The following HS3ST3B1 variants were observed in gnomAD, a reference collection of about 807,000 sequenced individuals.
HS3ST3B1 encodes heparan sulfate-glucosamine 3-sulfotransferase 3B1, also known as heparan sulfate glucosamine 3-O-sulfotransferase 3B1.
A neutral mutation model predicts 21.3 loss-of-function variants in HS3ST3B1; 13 were observed. That is an observed-to-expected ratio of 0.61 (90% CI 0.40 to 0.97). The LOEUF (loss-of-function observed/expected upper bound fraction) is 0.97, where lower values mean the gene tolerates loss of function less well. HS3ST3B1 is among the 50% of genes least tolerant of loss of function. HS3ST3B1 has a pLI of 0.00. For missense variants in HS3ST3B1, 459 were observed against 554.8 expected (o/e 0.83, Z 1.73); for synonymous variants, 234 against 254.8 (o/e 0.92, Z 0.78).
intron 1 of HS3ST3B1, among the ~76,000 whole-genome samples, chr17:14,319,029 AGTT>A (rs938889805): frequency 6.6e-6 from 1 of 152,030 alleles, no homozygotes; most frequent in African/African-American, 2.4e-5. Context: ...GAGGGCTGTG[AGTT>A]GTTTGTGGTT....
intron 1 of HS3ST3B1, among the ~76,000 whole-genome samples, chr17:14,316,588 TGCTAGCACCGAGATGATTGCTCAACCTG>T: frequency 6.6e-6 from 1 of 152,178 alleles, no homozygotes; most frequent in South Asian, 2.1e-4. Context: ...GTATGTTTTA[TGCTAGCACCGAGATGATTGCTCAACCTG>T]GTTGTAATGT....
intron 1 of HS3ST3B1, among the ~76,000 whole-genome samples, chr17:14,307,864 A>G (rs1433282020): frequency 6.6e-6 from 1 of 152,208 alleles, no homozygotes; most frequent in East Asian, 1.9e-4. Flanking sequence ...CTCATTTAAC[A>G]GTCGATGATT....
At chr17:14,334,094 A>G (rs1415825527) in intron 1 of HS3ST3B1, among the ~76,000 whole-genome samples, 1 of 151,924 alleles carries the variant, frequency 6.6e-6, no homozygotes, top group African/African-American at 2.4e-5. Flanking sequence ...GATGGTGATC[A>G]GCTATGGAGG....
At chr17:14,311,194 G>C (rs1160212178) in intron 1 of HS3ST3B1, among the ~76,000 whole-genome samples, 7 of 145,966 alleles carry the variant, frequency 4.8e-5, no homozygotes, top group African/African-American at 1.8e-4. Context: ...TCAGTCTCCC[G>C]TGTAGCAGGG....
chr17:14,342,010 T>G (rs1910399804), intron 1 of HS3ST3B1, among the ~76,000 whole-genome samples: 1 of 152,234 alleles, frequency 6.6e-6, no homozygotes, highest in East Asian at 1.9e-4. Context: ...CCAGTGCTGC[T>G]GAGGCAGTCT....
At chr17:14,308,345 CA>C (rs1422645146) in intron 1 of HS3ST3B1, among the ~76,000 whole-genome samples, 1 of 152,118 alleles carries the variant, frequency 6.6e-6, no homozygotes, top group African/African-American at 2.4e-5. Flanking sequence ...TTTATTTGTA[CA>C]TAGATAAAAG....
intron 1 of HS3ST3B1, among the ~76,000 whole-genome samples, chr17:14,344,165 G>A (rs1910478998): frequency 6.6e-6 from 1 of 152,212 alleles, no homozygotes; most frequent in Non-Finnish European, 1.5e-5. Context: ...CTCCCAAAGT[G>A]CTGGGATTAA....
chr17:14,323,503 T>A (rs1419096752), intron 1 of HS3ST3B1, among the ~76,000 whole-genome samples: 7 of 152,148 alleles, frequency 4.6e-5, no homozygotes, highest in Non-Finnish European at 5.9e-5. Context: ...TGGGGTACAT[T>A]TCTTAGGACA....
At chr17:14,320,655 GA>G (rs1429958344) in intron 1 of HS3ST3B1, among the ~76,000 whole-genome samples, 39 of 152,076 alleles carry the variant, frequency 2.6e-4, no homozygotes, top group Non-Finnish European at 1.3e-4. Flanking sequence ...ATGCCACTCA[GA>G]AAAAAGGGCC....
At chr17:14,332,182 G>A (rs1255447575) in intron 1 of HS3ST3B1, among the ~76,000 whole-genome samples, 3 of 152,136 alleles carry the variant, frequency 2.0e-5, no homozygotes, top group Non-Finnish European at 4.4e-5. Flanking sequence ...GGATGTATAA[G>A]GTCATGTAGA....
At chr17:14,302,608 G>A (rs1475191535) in intron 1 of HS3ST3B1, among the ~76,000 whole-genome samples, 1 of 152,050 alleles carries the variant, frequency 6.6e-6, no homozygotes, top group Non-Finnish European at 1.5e-5. Flanking sequence ...CTGGTTACCG[G>A]AACCCCAAGG....
intron 1 of HS3ST3B1, chr17:14,304,062 A>G (rs1597584414): frequency 6.6e-6 from 1 of 152,132 alleles, no homozygotes. Flanking sequence ...TCGCGTGGAA[A>G]CCCTCGCCGC....
At chr17:14,302,177 A>C in intron 1 of HS3ST3B1, 105 bp downstream of exon 1, 1 of 1,351,670 alleles carries the variant, frequency 7.4e-7, no homozygotes, top group Non-Finnish European at 9.9e-7. Flanking sequence ...GCTTCGGACC[A>C]CCCGGGGTAG....
At chr17:14,305,308 A>G (rs9896731) in intron 1 of HS3ST3B1, 149,088 of 152,314 alleles carry the variant, frequency 0.98, 73,065 homozygotes, top group East Asian at 1. Flanking sequence ...GAACCTCACA[A>G]AGAGGCTCAT....
Position 14,345,591 on chromosome 17 carries a change from G to T in HS3ST3B1, c.1118G>T (p.Arg373Leu), listed in dbSNP as rs1910544848. ...EVVRRLREFY[R>L]PFNLKFYQMT... ...GTGCGCAGGCTGCGCGAGTTCTACC[G>T]GCCTTTCAACCTCAAGTTCTACCAG... The change falls in exon 2 of 2, where the codon CGG becomes CTG. Residue 373 changes from arginine to leucine, a missense_variant. This residue lies in a region of HS3ST3B1 where 127 missense variants were observed against 209.9 expected (regional missense o/e 0.60). Transcript: ENST00000360954. 6.2e-7 allele frequency: 1 copy of T among 1,605,554 alleles called. No individual in the cohort carries two copies.
chr17:14,333,552 T>A (rs1910089257), intron 1 of HS3ST3B1, among the ~76,000 whole-genome samples: 1 of 152,070 alleles, frequency 6.6e-6, no homozygotes, highest in South Asian at 2.1e-4. Flanking sequence ...GCCTCAGTTC[T>A]TAATACAGCA....
intron 1 of HS3ST3B1, among the ~76,000 whole-genome samples, chr17:14,311,643 T>C (rs534582262): frequency 7.6e-4 from 115 of 152,302 alleles, no homozygotes; most frequent in African/African-American, 2.6e-3. Context: ...CATTATAGTA[T>C]CATTCAGGGT....
chr17:14,332,866 T>C (rs1164768437), intron 1 of HS3ST3B1, among the ~76,000 whole-genome samples: 1 of 144,332 alleles, frequency 6.9e-6, no homozygotes, highest in East Asian at 2.1e-4. Flanking sequence ...ATGTCGTAGG[T>C]TAAGACGTGC....
At chr17:14,330,310 G>A (rs1909968984) in intron 1 of HS3ST3B1, among the ~76,000 whole-genome samples, 1 of 152,168 alleles carries the variant, frequency 6.6e-6, no homozygotes, top group East Asian at 1.9e-4. Flanking sequence ...TATGTGGGGA[G>A]GGGTGGGAGA....
Sources: gnomAD v4.1 joint callset for allele counts (sites outside exome capture counted in the v4.1 genomes callset) on GRCh38, gnomAD v4.1.1 for gene constraint, gnomAD v4.1.1 regional missense constraint, MANE v1.5 for transcripts, NCBI Gene and HGNC (gene_info 2026-07-23, HGNC 2026-07-21) for gene names.